PROM2: variants seen among roughly 807,000 people sequenced by gnomAD.
PROM2 encodes prominin 2.
PROM2 carries 90 observed loss-of-function variants against 110.2 expected under a neutral mutation model. The observed-to-expected ratio is 0.82, with a 90% confidence interval of 0.69 to 0.97. The LOEUF (loss-of-function observed/expected upper bound fraction) is 0.97, where lower values mean the gene tolerates loss of function less well. PROM2 is among the 50% of genes least tolerant of loss of function. PROM2 has a pLI of 0.00. For synonymous variants in PROM2, 470 were observed against 467.8 expected (o/e 1.00, Z -0.06); for missense variants, 1,009 against 1,074.8 (o/e 0.94, Z 0.86).
In PROM2 at chr2:95,274,465, A is replaced by C. The variant is rs1363073560; in HGVS notation, c.-121A>C. The C allele has an allele frequency of 3.0e-6, 4 of 1,345,098 alleles. No homozygotes were observed. Among genetic ancestry groups the C allele is most frequent in the Non-Finnish European group, 3.9e-6 (4 of 1,020,140 alleles). 83.3% of individuals were successfully genotyped at this position (1,345,098 alleles called of 1,614,324 possible). Reference sequence around the variant, plus strand: ...GGGAGGCCAGGTAGCTCAGGAACCCAAACCTGTCGGGCAGGTTTTGAGAGC... The same window carrying C: ...GGGAGGCCAGGTAGCTCAGGAACCCCAACCTGTCGGGCAGGTTTTGAGAGC... On this transcript the variant is annotated 5_prime_UTR_variant, in exon 1 of 24. Coordinates refer to ENST00000317620, the MANE Select transcript of PROM2 (RefSeq NM_001165978.3).
At position 95,276,997 on chromosome 2, in the gene PROM2, G is replaced by A. The variant is rs1409012752; in HGVS notation, c.708G>A (p.Ala236=). The A allele has an allele frequency of 4.5e-6, 7 of 1,552,864 alleles. No individual in the cohort carries two copies. The highest frequency in any genetic ancestry group is 1.4e-5 in the African/African-American group (1 of 73,204). Residue 236 remains alanine, a synonymous_variant, in exon 6 of 24, where the codon GCG becomes GCA. Coordinates refer to ENST00000317620, the MANE Select transcript of PROM2 (RefSeq NM_001165978.3). The surrounding 1 kb of genome is among the most constrained non-coding windows in gnomAD (Gnocchi z 4.6). The part of the protein sequence containing the change: ...LDGVGVSIGS[A]IHTQLRSSVY... Reference sequence around the variant, plus strand: ...GTGTTGGTGTGAGCATTGGGAGCGCGATCCACACTCAGCTCAGGAGCTCCG... The same window carrying A: ...GTGTTGGTGTGAGCATTGGGAGCGCAATCCACACTCAGCTCAGGAGCTCCG...
At chr2:95,287,297 G>C (rs1256692339) in intron 19 of PROM2, 84 bp downstream of exon 19, 1 of 1,576,818 alleles carries the variant, frequency 6.3e-7, no homozygotes, top group Admixed American at 1.7e-5. Context: ...CAGGAAAGCT[G>C]GGCCTGTCCT....
Position 95,288,905 on chromosome 2 carries a change from T to G in PROM2, c.2442-28T>G, listed in dbSNP as rs779248344. 13 of 1,608,176 alleles carry G rather than the reference T, an allele frequency of 8.1e-6. No homozygotes were observed. In the Admixed American group the frequency reaches 2.2e-4, roughly 27 times the overall value. On this transcript the variant is annotated intron_variant, in intron 22 of 23. Transcript: ENST00000317620. Reference sequence around the variant, plus strand: ...GGCTGAGGGTCTGGGGGGAAGGGTATGCTCACTCTCTGTCTTTGACACTGC... The same window carrying G: ...GGCTGAGGGTCTGGGGGGAAGGGTAGGCTCACTCTCTGTCTTTGACACTGC...
intron 18 of PROM2, 84 bp downstream of exon 18, chr2:95,286,941 C>A: frequency 6.7e-7 from 1 of 1,483,962 alleles, no homozygotes; most frequent in Non-Finnish European, 9.4e-7. Context: ...CACTCTGCAC[C>A]TCAGAGCTCT....
At chr2:95,278,326 C>T in intron 8 of PROM2, 4 of 531,114 alleles carry the variant, frequency 7.5e-6, no homozygotes, top group Non-Finnish European at 1.4e-5. Context: ...CGCCCAGGAC[C>T]CAGGACCTGG....
At position 95,284,955 on chromosome 2, in the gene PROM2, G is replaced by A. The variant is rs778653661; in HGVS notation, c.1729-14G>A. Reference sequence around the variant, plus strand: ...CAACTGGGCATGACTCCCACCCTGCGCCTGCTCTCCCAGTATACCAACAAG... The same window carrying A: ...CAACTGGGCATGACTCCCACCCTGCACCTGCTCTCCCAGTATACCAACAAG... On this transcript the variant is annotated splice_polypyrimidine_tract_variant and intron_variant, in intron 14 of 23. Transcript: ENST00000317620. 3.4e-5 allele frequency: 54 copies of A among 1,606,984 alleles called. No homozygotes were observed. The highest frequency in any genetic ancestry group is 1.5e-4 in the Admixed American group (9 of 59,378).
Position 95,285,057 on chromosome 2 carries a change from T to C in PROM2, c.1817T>C (p.Leu606Pro), listed in dbSNP as rs377215769. ...DLLSSAARRD[L>P]EALQSSGLQR... ...CTGAGCTCAGCCGCCCGCCGGGACC[T>C]GGAGGCCCTGCAGAGCAGTGGGCTT... is the stretch of plus-strand genomic sequence containing the variant. The change falls in exon 15 of 24, where the codon CTG becomes CCG. Residue 606 changes from leucine to proline, a missense_variant. Coordinates refer to ENST00000317620, the MANE Select transcript of PROM2 (RefSeq NM_001165978.3). 8 of 1,596,648 alleles carry C rather than the reference T, an allele frequency of 5.0e-6. No individual in the cohort carries two copies. The Admixed American group carries it at 1.0e-4, about 21-fold the overall frequency.
chr2:95,281,414 C>A (rs759120524), intron 12 of PROM2, 49 bp downstream of exon 12: 8 of 897,358 alleles, frequency 8.9e-6, no homozygotes, highest in Non-Finnish European at 9.8e-6. Context: ...AGGTGGGGGG[C>A]GGTATCAGCA....
At chr2:95,279,802 G>A (rs776731131) in intron 10 of PROM2, 43 bp from the exon 11 acceptor site, 1 of 1,376,422 alleles carries the variant, frequency 7.3e-7, no homozygotes, top group East Asian at 2.8e-5. Context: ...GTTGGTGCCA[G>A]CCACCTCCTT....
At position 95,287,132 on chromosome 2, in the gene PROM2, G is replaced by A; in HGVS notation, c.2095-1G>A. On this transcript the variant is annotated splice_acceptor_variant, in intron 18 of 23. Coordinates refer to ENST00000317620, the MANE Select transcript of PROM2 (RefSeq NM_001165978.3). LOFTEE classifies it high-confidence loss of function. ...TGAGTTGAGGCTCTCGTCCCCTCCA[G>A]CTGGAGACCTCAGATGTCCTAGCCA... The A allele has an allele frequency of 5.0e-6, 8 of 1,613,838 alleles. No homozygotes were observed. The South Asian group carries it at 7.7e-5, about 16-fold the overall frequency.
At chr2:95,280,212 C>T (rs1348497891) in intron 11 of PROM2, among the ~76,000 whole-genome samples, 1 of 152,200 alleles carries the variant, frequency 6.6e-6, no homozygotes, top group Non-Finnish European at 1.5e-5. Context: ...CTGAGTCAGA[C>T]ACAGCCTAGA....
chr2:95,275,550 G>C lies in PROM2; in HGVS notation c.294+40G>C. 6.2e-7 allele frequency: 1 copy of C among 1,608,410 alleles called. No individual in the cohort carries two copies. The highest frequency in any genetic ancestry group is 8.5e-7 in the Non-Finnish European group (1 of 1,176,596). The stretch of plus-strand genomic sequence containing the variant: ...GAAAGGTGCTGGGGGAGGGAGTTCT[G>C]GGGTGAGCAGCAGGGTGGGAGCAGA... On this transcript the variant is annotated intron_variant, in intron 2 of 23. Transcript: ENST00000317620. This position sits in a 1 kb window ranked among gnomAD's most constrained non-coding sequence, Gnocchi z 4.4.
In PROM2 at chr2:95,288,253, C is replaced by G. The variant is rs750292649; in HGVS notation, c.2287C>G (p.Leu763Val). 1.9e-6 allele frequency: 3 copies of G among 1,614,010 alleles called. No individual in the cohort carries two copies. The highest frequency in any genetic ancestry group is 1.7e-5 in the Admixed American group (1 of 59,998). Residue 763 changes from leucine to valine, a missense_variant, in exon 21 of 24, where the codon CTG (leucine) becomes GTG (valine). Physicochemically the swap from Leu to Val is conservative, Grantham distance 32. Coordinates refer to ENST00000317620, the MANE Select transcript of PROM2 (RefSeq NM_001165978.3). Reference protein sequence around the residue: ...IATCQPLSGALDNSRVILCDM... With the variant: ...IATCQPLSGAVDNSRVILCDM... ...CACCTGCCAGCCCCTCTCCGGAGCC[C>G]TGGACAACAGCCGTGTGATCCTGTG... is the stretch of plus-strand genomic sequence containing the variant.
rs144650041 is a variant in PROM2, at chr2:95,282,178, G to C, written c.1680G>C (p.Leu560=). 6.2e-7 allele frequency: 1 copy of C among 1,614,010 alleles called. No individual in the cohort carries two copies. The highest frequency in any genetic ancestry group is 1.3e-5 in the African/African-American group (1 of 75,018). ...CKEGAALWTV[L]QLNDSYDLEE... The stretch of plus-strand genomic sequence containing the variant: ...AAGGGGCAGCGCTCTGGACAGTCCT[G>C]CAGCTCAACGACTCCTACGACCTGG... The change falls in exon 14 of 24, where the codon CTG becomes CTC. Residue 560 remains leucine (L), a synonymous_variant. Transcript: ENST00000317620.
At chr2:95,289,181 CCCCT>C in intron 23 of PROM2, 39 bp from the exon 24 acceptor site, 1 of 609,238 alleles carries the variant, frequency 1.6e-6, no homozygotes, top group Non-Finnish European at 2.9e-6. Flanking sequence ...GCCCTGTTCT[CCCCT>C]CCCTCCCCTT....
Position 95,274,573 on chromosome 2 carries a change from C to G in PROM2, c.-13C>G. 1 of 1,559,250 alleles carries G rather than the reference C, an allele frequency of 6.4e-7. No homozygotes were observed. Among genetic ancestry groups the G allele is most frequent in the Non-Finnish European group, 8.7e-7 (1 of 1,150,384 alleles). Reference sequence around the variant, plus strand: ...TTCCCTCCTGAGCCTGAGCCCCTTACCTTCCTGACCCCATGAAGCACACAC... The same window carrying G: ...TTCCCTCCTGAGCCTGAGCCCCTTAGCTTCCTGACCCCATGAAGCACACAC... On this transcript the variant is annotated 5_prime_UTR_variant, in exon 1 of 24. Transcript: ENST00000317620.
chr2:95,280,231 C>A (rs917977275), intron 11 of PROM2, among the ~76,000 whole-genome samples: 1 of 152,128 alleles, frequency 6.6e-6, no homozygotes, highest in Non-Finnish European at 1.5e-5. Context: ...GAGTCCCTAC[C>A]CCAGCTTCCA....
rs1369641928 is a variant in PROM2, at chr2:95,290,381, T to G, written c.*1168T>G. ...CTGGGACCCTGTACATAGTTGGTGTTTAATGAGTGTTTATGGAGAGGAGAG... is the reference window on the plus strand; with the variant it reads ...CTGGGACCCTGTACATAGTTGGTGTGTAATGAGTGTTTATGGAGAGGAGAG... On this transcript the variant is annotated 3_prime_UTR_variant, in exon 24 of 24. Coordinates refer to ENST00000317620, the MANE Select transcript of PROM2 (RefSeq NM_001165978.3). 6.6e-6 allele frequency: 1 copy of G among 152,140 alleles called. No homozygotes were observed. Among genetic ancestry groups the G allele is most frequent in the Non-Finnish European group, 1.5e-5 (1 of 68,046 alleles). The allele number at this position is 152,140 out of a possible 1,614,324, so 9.4% of individuals were successfully genotyped here. A position where few individuals can be genotyped will look rare whatever the true frequency, so the allele number is the denominator to read the frequency against.
chr2:95,279,756 G>A, intron 10 of PROM2, 89 bp from the exon 11 acceptor site: 1 of 1,154,648 alleles, frequency 8.7e-7, no homozygotes, highest in Non-Finnish European at 1.1e-6. Context: ...TGGGGTTAGA[G>A]GCCACACCCG....
Sources: gnomAD v4.1 joint callset for allele counts (sites outside exome capture counted in the v4.1 genomes callset) on GRCh38, gnomAD v4.1.1 for gene constraint, Gnocchi (gnomAD v3.1) non-coding constraint, MANE v1.5 for transcripts, NCBI Gene and HGNC (gene_info 2026-07-23, HGNC 2026-07-21) for gene names.